RNF123: variants seen among roughly 807,000 people sequenced by gnomAD.
The protein encoded by RNF123 is E3 ubiquitin-protein ligase RNF123.
A neutral mutation model predicts 168.5 loss-of-function variants in RNF123; 86 were observed. The observed-to-expected ratio is 0.51, with a 90% confidence interval of 0.43 to 0.61. RNF123 has a LOEUF of 0.61. Among genes scored for constraint, RNF123 ranks in the 20% least tolerant of loss-of-function variants. The probability of loss-of-function intolerance (pLI) is 0.00; values close to 1 mark genes in which losing one functional copy is unlikely to be tolerated. For synonymous variants in RNF123, 666 were observed against 689.1 expected (o/e 0.97, Z 0.52); for missense variants, 1,419 against 1,729.7 (o/e 0.82, Z 3.19).
chr3:49,719,364 G>A, intron 35 of RNF123: 1 of 1,613,588 alleles, frequency 6.2e-7, no homozygotes, highest in East Asian at 2.2e-5. Context: ...ATTTGTAGGG[G>A]CAGTTGTGGA....
intron 3 of RNF123, among the ~76,000 whole-genome samples, chr3:49,692,307 A>G (rs1238098773): frequency 6.6e-6 from 1 of 152,180 alleles, no homozygotes; most frequent in Non-Finnish European, 1.5e-5. Context: ...TTCAAATGTG[A>G]TTCTTTTCTG....
Position 49,699,723 on chromosome 3 carries a change from C to A in RNF123, c.935C>A (p.Thr312Asn), listed in dbSNP as rs1575524043. 6 of 1,613,626 alleles carry A rather than the reference C, an allele frequency of 3.7e-6. No individual in the cohort carries two copies. The highest frequency in any genetic ancestry group is 5.1e-6 in the Non-Finnish European group (6 of 1,180,020). The change falls in exon 12 of 39, where the codon ACC becomes AAC. Residue 312 changes from threonine to asparagine, a missense_variant. Coordinates refer to ENST00000327697, the MANE Select transcript of RNF123 (RefSeq NM_022064.5). The surrounding 1 kb of genome is among the most constrained non-coding windows in gnomAD (Gnocchi z 4.8). ...SSKWRLRGQP[T>N]VLLTLAHIFH... is the part of the protein sequence containing the mutation. Reference sequence around the variant, plus strand: ...AAGTGGCGGTTGCGGGGCCAGCCCACCGTCCTCCTCACACTGGCCCACATC... The same window carrying A: ...AAGTGGCGGTTGCGGGGCCAGCCCAACGTCCTCCTCACACTGGCCCACATC...
chr3:49,690,325 C>T (rs1317684814), intron 1 of RNF123, among the ~76,000 whole-genome samples: 4 of 152,228 alleles, frequency 2.6e-5, no homozygotes, highest in Non-Finnish European at 5.9e-5. Flanking sequence ...GTGGCTAAGG[C>T]AACTGAGAAA....
intron 26 of RNF123, among the ~76,000 whole-genome samples, chr3:49,708,216 G>A (rs886294220): frequency 2.0e-5 from 3 of 152,116 alleles, no homozygotes; most frequent in Admixed American, 6.6e-5. Context: ...CTGCCACCTC[G>A]GCCTCCCAAA....
rs1274521123 is a variant in RNF123, at chr3:49,705,056, T to C, written c.2032T>C (p.Leu678=). 1.9e-6 allele frequency: 3 copies of C among 1,611,604 alleles called. No homozygotes were observed. The highest frequency in any genetic ancestry group is 1.1e-5 in the South Asian group (1 of 90,666). ...GCCCGGCTGGCTCAGTTCTCCAACT[T>C]TGGGCCGAGCCAACCGCTTCCTCAG... ...PRPGWLSSPT[L]GRANRFLSTA... The change falls in exon 23 of 39, where the codon TTG becomes CTG. Residue 678 remains leucine, a synonymous_variant. Coordinates refer to ENST00000327697, the MANE Select transcript of RNF123 (RefSeq NM_022064.5).
chr3:49,700,451 C>T, intron 13 of RNF123, 21 bp from the exon 14 acceptor site: 1 of 1,612,932 alleles, frequency 6.2e-7, no homozygotes, highest in Non-Finnish European at 8.5e-7. Context: ...GTCATGGCTG[C>T]CTTGGCATCT....
In RNF123 at chr3:49,705,037, C is replaced by T. The variant is rs1396878464; in HGVS notation, c.2013C>T (p.Gly671=). The T allele has an allele frequency of 6.2e-7, 1 of 1,610,660 alleles. No homozygotes were observed. The highest frequency in any genetic ancestry group is 1.1e-5 in the South Asian group (1 of 90,524). The change falls in exon 23 of 39, where the codon GGC becomes GGT. Residue 671 remains glycine, a synonymous_variant. Coordinates refer to ENST00000327697, the MANE Select transcript of RNF123 (RefSeq NM_022064.5). The stretch of plus-strand genomic sequence containing the variant: ...GGCCACTGCCCCTGCCCCGGCCCGG[C>T]TGGCTCAGTTCTCCAACTTTGGGCC... The part of the protein sequence containing the change: ...VGGPLPLPRP[G]WLSSPTLGRA...
intron 31 of RNF123, among the ~76,000 whole-genome samples, chr3:49,714,671 C>T (rs986866553): frequency 3.9e-5 from 6 of 152,206 alleles, no homozygotes; most frequent in Non-Finnish European, 8.8e-5. Flanking sequence ...AGGGTATTCA[C>T]GAGAGTTCCT....
In RNF123 at chr3:49,700,326, C is replaced by G. The variant is rs555269235; in HGVS notation, c.1084C>G (p.Leu362Val). 23 of 1,614,234 alleles carry G rather than the reference C, an allele frequency of 1.4e-5. No individual in the cohort carries two copies. In the Admixed American group the frequency reaches 3.0e-4, roughly 21 times the overall value. ...GGCACAGTCCGTGGTGCACCAGGTC[C>G]TGGACCTCTTGTGGCTCTTCATGGA... is the stretch of plus-strand genomic sequence containing the variant. ...TQAQSVVHQV[L>V]DLLWLFMEDY... is the part of the protein sequence containing the mutation. Residue 362 changes from leucine (L) to valine (V), a missense_variant, in exon 13 of 39, where the codon CTG becomes GTG. By Grantham distance (32) the Leu-to-Val change is conservative. Transcript: ENST00000327697.
chr3:49,703,290 T>C (rs1262646625), intron 20 of RNF123, 137 bp from the exon 21 acceptor site: 3 of 672,522 alleles, frequency 4.5e-6, no homozygotes, highest in Non-Finnish European at 5.2e-6. Flanking sequence ...GGAGACAGTT[T>C]CTCTGTCTGC....
chr3:49,702,060 C>T (rs748686054), intron 17 of RNF123, 23 bp from the exon 18 acceptor site: 4 of 1,612,178 alleles, frequency 2.5e-6, no homozygotes, highest in East Asian at 2.2e-5. Flanking sequence ...GCCTGAGGGC[C>T]ATGTTCCTCA....
intron 3 of RNF123, among the ~76,000 whole-genome samples, chr3:49,693,982 C>A (rs1257333249): frequency 6.6e-6 from 1 of 151,920 alleles, no homozygotes; most frequent in African/African-American, 2.4e-5. Flanking sequence ...TGTTTGCGTT[C>A]TTTGTATATT....
At chr3:49,713,232 A>C in intron 27 of RNF123, 1 of 589,432 alleles carries the variant, frequency 1.7e-6, no homozygotes, top group South Asian at 2.0e-5. Context: ...TGAGTGCCCA[A>C]GGAGCTTTGA....
chr3:49,696,678 C>G (rs1437370393), intron 3 of RNF123, among the ~76,000 whole-genome samples: 1 of 129,520 alleles, frequency 7.7e-6, no homozygotes, highest in Non-Finnish European at 1.6e-5. Flanking sequence ...GAGTCTTACT[C>G]TTGTTGCCCG....
chr3:49,691,912 A>G (rs4052554), intron 3 of RNF123, among the ~76,000 whole-genome samples: 105 of 148,120 alleles, frequency 7.1e-4, no homozygotes, highest in Admixed American at 1.2e-3. Flanking sequence ...TAATACTTTT[A>G]AGTGTAGTCA....
At chr3:49,690,397 G>T (rs1042237302) in intron 1 of RNF123, among the ~76,000 whole-genome samples, 4 of 152,256 alleles carry the variant, frequency 2.6e-5, no homozygotes, top group African/African-American at 9.6e-5. Flanking sequence ...CGGCTGCTGT[G>T]TTGGACAGCA....
Position 49,712,606 on chromosome 3 carries a change from G to T in RNF123, c.2624G>T (p.Ser875Ile). ...FYLSVAINSY[S>I]ALKNYFGPVH... ...CTGAGCGTGGCCATCAACAGCTACA[G>T]TGCTCTCAAGAATTACTTTGGTCCC... The change falls in exon 27 of 39, where the codon AGT becomes ATT. Residue 875 changes from serine (S) to isoleucine (I), a missense_variant. Coordinates refer to ENST00000327697, the MANE Select transcript of RNF123 (RefSeq NM_022064.5). 1 of 1,614,220 alleles carries T rather than the reference G, an allele frequency of 6.2e-7. No homozygotes were observed. The highest frequency in any genetic ancestry group is 2.2e-5 in the East Asian group (1 of 44,890).
intron 26 of RNF123, among the ~76,000 whole-genome samples, chr3:49,710,940 T>C (rs1487636514): frequency 6.6e-6 from 1 of 152,206 alleles, no homozygotes; most frequent in African/African-American, 2.4e-5. Flanking sequence ...CACCTGTGTC[T>C]TTCTAATCCC....
chr3:49,708,364 G>A (rs1401598344), intron 26 of RNF123, among the ~76,000 whole-genome samples: 1 of 152,176 alleles, frequency 6.6e-6, no homozygotes, highest in Non-Finnish European at 1.5e-5. Context: ...CGTGCCTGTT[G>A]AACAAAACCT....
Sources: allele counts gnomAD v4.1 joint callset (sites outside exome capture counted in the v4.1 genomes callset), GRCh38; gene constraint gnomAD v4.1.1; non-coding constraint Gnocchi (gnomAD v3.1); transcripts MANE v1.5; gene names NCBI Gene and HGNC (gene_info 2026-07-23, HGNC 2026-07-21).